CECR2: variants seen among roughly 807,000 people sequenced by gnomAD.
CECR2 encodes the protein CECR2 histone acetyl-lysine reader.
A neutral mutation model predicts 154.5 loss-of-function variants in CECR2; 30 were observed. The observed-to-expected ratio is 0.19, with a 90% CI of 0.15 to 0.26. The LOEUF (loss-of-function observed/expected upper bound fraction) is 0.26. Among genes scored for constraint, CECR2 ranks in the 10% least tolerant of loss-of-function variants. CECR2 has a pLI of 1.00. For synonymous variants in CECR2, 725 were observed against 683.7 expected, an observed-to-expected ratio of 1.06 and a Z score of -0.94; for missense variants, 1,743 against 1,829.3, an observed-to-expected ratio of 0.95 and a Z score of 0.86.
chr22:17,465,304 C>G (rs1394395387), intron 1 of CECR2, among the ~76,000 whole-genome samples: 2 of 151,282 alleles, frequency 1.3e-5, no homozygotes, highest in Non-Finnish European at 3.0e-5. Context: ...CCAAATATTT[C>G]TATTTAAACT....
chr22:17,446,878 T>TG (rs771372176), intron 1 of CECR2, among the ~76,000 whole-genome samples: 17 of 152,234 alleles, frequency 1.1e-4, no homozygotes, highest in Non-Finnish European at 2.1e-4. Context: ...GCCCACATCC[T>TG]GCTGATTGGT....
intron 1 of CECR2, among the ~76,000 whole-genome samples, chr22:17,381,230 C>T (rs2063184872): frequency 6.6e-6 from 1 of 152,208 alleles, no homozygotes; most frequent in Admixed American, 6.5e-5. Context: ...TGTACTGATG[C>T]TTTTCACATT....
At chr22:17,393,544 T>C (rs1396165184) in intron 1 of CECR2, among the ~76,000 whole-genome samples, 1 of 152,162 alleles carries the variant, frequency 6.6e-6, no homozygotes, top group Non-Finnish European at 1.5e-5. Context: ...AGAAGTGGAA[T>C]TGGTGGGTCA....
intron 7 of CECR2, among the ~76,000 whole-genome samples, chr22:17,508,431 T>G (rs1174871187): frequency 6.6e-6 from 1 of 152,120 alleles, no homozygotes; most frequent in Non-Finnish European, 1.5e-5. Context: ...CCTTTTCTAT[T>G]TATGTATGTT....
In CECR2 at chr22:17,549,477, T is replaced by G. The variant is rs781261885; in HGVS notation, c.4190T>G (p.Leu1397Arg). Reference protein sequence around the residue: ...GPIYRCQEEGLGHFQAVMMEQ... With the variant: ...GPIYRCQEEGRGHFQAVMMEQ... ...ATCTATCGCTGCCAGGAAGAAGGCCTGGGTCACTTTCAAGCTGTGATGATG... is the reference window on the plus strand; with the variant it reads ...ATCTATCGCTGCCAGGAAGAAGGCCGGGGTCACTTTCAAGCTGTGATGATG... The change falls in exon 17 of 19, where the codon CTG (leucine) becomes CGG (arginine). Residue 1397 changes from leucine to arginine, a missense_variant. Coordinates refer to ENST00000262608, the MANE Select transcript of CECR2 (RefSeq NM_001290047.2). The G allele has an allele frequency of 6.2e-7, 1 of 1,610,576 alleles. No individual in the cohort carries two copies. Among genetic ancestry groups the G allele is most frequent in the Admixed American group, 1.7e-5 (1 of 59,274 alleles).
upstream of CECR2, among the ~76,000 whole-genome samples, chr22:17,367,933 C>T (rs1404849499): frequency 6.6e-6 from 1 of 152,094 alleles, no homozygotes; most frequent in African/African-American, 2.4e-5. Context: ...AAATAAAAAG[C>T]ATGGTAGAAT....
chr22:17,403,050 G>A (rs947059738), intron 1 of CECR2, among the ~76,000 whole-genome samples: 12 of 152,114 alleles, frequency 7.9e-5, no homozygotes, highest in East Asian at 5.8e-4. Context: ...CAGCGCACCC[G>A]GCAGTTTCCC....
intron 2 of CECR2, among the ~76,000 whole-genome samples, chr22:17,487,963 A>G (rs919331712): frequency 6.3e-4 from 96 of 151,850 alleles, no homozygotes; most frequent in African/African-American, 2.2e-3. Flanking sequence ...ACTCACTGCA[A>G]CCTCCACCTC....
chr22:17,434,872 C>G (rs2054479372), intron 1 of CECR2, among the ~76,000 whole-genome samples: 1 of 151,996 alleles, frequency 6.6e-6, no homozygotes, highest in South Asian at 2.1e-4. Context: ...TCAAGGGGGA[C>G]TTGAGAGCAG....
chr22:17,369,307 GCGCCC>G (rs1463972084), upstream of CECR2: 1 of 151,092 alleles, frequency 6.6e-6, no homozygotes, highest in South Asian at 2.1e-4. Context: ...CCGGGGGCGC[GCGCCC>G]CGCCCCTCCC....
Position 17,542,381 on chromosome 22 carries a change from A to G in CECR2, c.2238A>G (p.Pro746=). The change falls in exon 16 of 19, where the codon CCA becomes CCG. Residue 746 remains proline, a synonymous_variant. Coordinates refer to ENST00000262608, the MANE Select transcript of CECR2 (RefSeq NM_001290047.2). ...ATGGGGGGGCTCCAGCCCGGCCACCAGACTTTCCTGAAAGCTCAGAAATTC... is the reference window on the plus strand; with the variant it reads ...ATGGGGGGGCTCCAGCCCGGCCACCGGACTTTCCTGAAAGCTCAGAAATTC... ...PRHGGAPARP[P]DFPESSEIPP... 6.2e-7 allele frequency: 1 copy of G among 1,613,796 alleles called. No homozygotes were observed. Among genetic ancestry groups the G allele is most frequent in the Non-Finnish European group, 8.5e-7 (1 of 1,179,872 alleles).
chr22:17,467,238 G>A (rs2055048050), intron 1 of CECR2, among the ~76,000 whole-genome samples: 1 of 152,174 alleles, frequency 6.6e-6, no homozygotes, highest in Admixed American at 6.5e-5. Flanking sequence ...CAAGCCATAG[G>A]AACAAGTCTG....
chr22:17,496,226 G>A (rs939726708), intron 2 of CECR2, among the ~76,000 whole-genome samples: 4 of 152,062 alleles, frequency 2.6e-5, no homozygotes, highest in Non-Finnish European at 4.4e-5. Context: ...GGACGGGCAC[G>A]GTGGCTCACG....
In CECR2 at chr22:17,540,718, T is replaced by C. The variant is rs759383073; in HGVS notation, c.1802T>C (p.Val601Ala). Reference protein sequence around the residue: ...SSSSTQPPREVGTSNGRGFSH... With the variant: ...SSSSTQPPREAGTSNGRGFSH... The stretch of plus-strand genomic sequence containing the variant: ...AGCTCCACACAGCCCCCGCGGGAGG[T>C]GGGCACTTCCAATGGCCGAGGTTTT... Residue 601 changes from valine (V) to alanine (A), a missense_variant, in exon 14 of 19, where the codon GTG (valine) becomes GCG (alanine). Val to Ala is a moderately conservative substitution (Grantham distance 64, BLOSUM62 0). Around this residue, in one of 4 missense-constraint regions of CECR2, gnomAD observed 1,250 missense variants for 1,192.1 expected, o/e 1.05. Coordinates refer to ENST00000262608, the MANE Select transcript of CECR2 (RefSeq NM_001290047.2). 1 of 1,612,748 alleles carries C rather than the reference T, an allele frequency of 6.2e-7. No individual in the cohort carries two copies. The highest frequency in any genetic ancestry group is 8.5e-7 in the Non-Finnish European group (1 of 1,179,348).
chr22:17,447,153 G>A (rs2146685544), intron 1 of CECR2, among the ~76,000 whole-genome samples: 1 of 149,758 alleles, frequency 6.7e-6, no homozygotes, highest in East Asian at 2.0e-4. Flanking sequence ...TCCTGCCTCA[G>A]CCTCCCGAGT....
intron 1 of CECR2, among the ~76,000 whole-genome samples, chr22:17,381,112 A>C (rs892488474): frequency 6.8e-6 from 1 of 146,212 alleles, no homozygotes; most frequent in African/African-American, 2.5e-5. Context: ...GGCGGGGGGG[A>C]AGGTGCTTTA....
At chr22:17,468,126 G>C (rs34623323) in intron 1 of CECR2, among the ~76,000 whole-genome samples, 143,352 of 152,270 alleles carry the variant, frequency 0.94, 67,587 homozygotes, top group East Asian at 1. Flanking sequence ...AACAGCAGGT[G>C]CCTGTGTTAA....
chr22:17,464,776 C>T (rs2054999934), intron 1 of CECR2, among the ~76,000 whole-genome samples: 1 of 152,160 alleles, frequency 6.6e-6, no homozygotes, highest in African/African-American at 2.4e-5. Context: ...ACTAGGATTA[C>T]ATCCATGAGC....
At chr22:17,497,346 T>A in intron 2 of CECR2, 57 bp from the exon 3 acceptor site, 1 of 1,507,462 alleles carries the variant, frequency 6.6e-7, no homozygotes, top group South Asian at 1.2e-5. Flanking sequence ...TCTCTCCTTC[T>A]CCCAACCAAC....
Sources: allele counts gnomAD v4.1 joint callset (sites outside exome capture counted in the v4.1 genomes callset), GRCh38; gene constraint gnomAD v4.1.1; regional missense constraint gnomAD v4.1.1; transcripts MANE v1.5; gene names NCBI Gene and HGNC (gene_info 2026-07-23, HGNC 2026-07-21).